ANO4: variants seen among roughly 807,000 people sequenced by gnomAD.
ANO4 encodes the protein anoctamin-4.
A neutral mutation model predicts 141.9 loss-of-function variants in ANO4; 69 were observed. The observed-to-expected ratio is 0.49, with a 90% CI of 0.40 to 0.59. The LOEUF (loss-of-function observed/expected upper bound fraction) is 0.59, where lower values mean the gene tolerates loss of function less well. Among genes scored for constraint, ANO4 ranks in the 20% least tolerant of loss-of-function variants. ANO4 has a pLI of 0.00. For synonymous variants in ANO4, 350 were observed against 394.3 expected, an observed-to-expected ratio of 0.89 and a Z score of 1.33; for missense variants, 894 against 1,162.2, an observed-to-expected ratio of 0.77 and a Z score of 3.36.
chr12:100,874,607 C>T (rs4764765), intron 1 of ANO4, among the ~76,000 whole-genome samples: 27,969 of 152,066 alleles, frequency 0.18, 2,992 homozygotes, highest in Middle Eastern at 0.3. Context: ...GCAACCTCTA[C>T]CTCCTGGGTT....
At chr12:100,964,523 C>T (rs1312508523) in intron 5 of ANO4, among the ~76,000 whole-genome samples, 1 of 152,106 alleles carries the variant, frequency 6.6e-6, no homozygotes, top group Admixed American at 6.6e-5. Flanking sequence ...AATATCTCCT[C>T]CTAGCCCCAG....
chr12:101,079,327 C>T (rs1438121611), intron 15 of ANO4, 52 bp downstream of exon 15: 1 of 1,453,638 alleles, frequency 6.9e-7, no homozygotes, highest in South Asian at 1.2e-5. Context: ...CCCAGAACCA[C>T]ACGACCCCCC....
intron 3 of ANO4, among the ~76,000 whole-genome samples, chr12:100,768,277 C>T (rs2033168228): frequency 6.6e-6 from 1 of 152,230 alleles, no homozygotes; most frequent in South Asian, 2.1e-4. Context: ...GGTATCTCCA[C>T]ACTGTGCTGG....
chr12:100,776,663 T>G lies in ANO4; in HGVS notation c.358+36558T>G, dbSNP rs1372988307. On this transcript the variant is annotated intron_variant, in intron 3 of 29. Transcript: ENST00000644049. ...AGAGCTAGTCTAAGGATTAATTGAC[T>G]TAAGATTTTTCTTGTTTAAATCTCC... 2.6e-5 allele frequency among the ~76,000 whole-genome samples: 4 copies of G among 152,210 alleles called. No individual in the cohort carries two copies. The East Asian group carries it at 7.7e-4, about 29-fold the overall frequency.
At position 101,120,525 on chromosome 12, in the gene ANO4, G is replaced by A. The variant is rs770666618; in HGVS notation, c.2576G>A (p.Arg859Gln). ...SGTPLKYCRY[R>Q]DYRDPPHSLV... ...ATTTTTCTGTGTCTTTATAGATACCGGGACTACCGTGACCCGCCTCATTCA... is the reference window on the plus strand; with the variant it reads ...ATTTTTCTGTGTCTTTATAGATACCAGGACTACCGTGACCCGCCTCATTCA... Residue 859 changes from arginine (R) to glutamine (Q), a missense_variant, in exon 26 of 28, where the codon CGG (arginine) becomes CAG (glutamine). Arg to Gln is a conservative substitution (Grantham distance 43). Coordinates refer to ENST00000392977, the MANE Select transcript of ANO4 (RefSeq NM_001286615.2). The A allele has an allele frequency of 1.8e-5, 29 of 1,613,438 alleles. No individual in the cohort carries two copies. The highest frequency in any genetic ancestry group is 1.4e-4 in the South Asian group (13 of 91,058).
At chr12:100,734,480 A>C (rs190022445) in intron 2 of ANO4, among the ~76,000 whole-genome samples, 4 of 152,350 alleles carry the variant, frequency 2.6e-5, no homozygotes, top group South Asian at 4.1e-4. Flanking sequence ...GAGATCAGAA[A>C]AGAAAAGTGA....
intron 2 of ANO4, among the ~76,000 whole-genome samples, chr12:100,911,341 A>G (rs1428391988): frequency 6.6e-6 from 1 of 152,196 alleles, no homozygotes; most frequent in African/African-American, 2.4e-5. Flanking sequence ...TTTCTTCTTC[A>G]CACAACTTGG....
rs934488144 is a variant in ANO4 at position 100,783,506 on chromosome 12, C to A, written c.358+43401C>A. Among the ~76,000 whole-genome samples the A allele has an allele frequency of 2.6e-5, 4 of 152,272 alleles. No homozygotes were observed. In the East Asian group the frequency reaches 5.8e-4, roughly 22 times the overall value. On this transcript the variant is annotated intron_variant, in intron 3 of 29. Coordinates refer to the ANO4 transcript ENST00000644049. The stretch of plus-strand genomic sequence containing the variant: ...TTCTAAGAAGTTGTCAAGATCACTT[C>A]CTGAAGCACAAATCTGATCATTTAT...
At chr12:100,737,547 G>T (rs1289692274) in intron 2 of ANO4, among the ~76,000 whole-genome samples, 1 of 152,198 alleles carries the variant, frequency 6.6e-6, no homozygotes, top group Non-Finnish European at 1.5e-5. Flanking sequence ...AAGGAGCCTT[G>T]TGTCCTGGGT....
chr12:100,958,207 C>T (rs1036100365), intron 5 of ANO4, among the ~76,000 whole-genome samples: 10 of 152,206 alleles, frequency 6.6e-5, no homozygotes, highest in Non-Finnish European at 1.3e-4. Context: ...CTGGAAAAAA[C>T]ATGCTGACTG....
At chr12:101,081,118 T>G (rs549301811) in intron 15 of ANO4, among the ~76,000 whole-genome samples, 9 of 151,642 alleles carry the variant, frequency 5.9e-5, no homozygotes, top group Admixed American at 4.6e-4. Context: ...GCAGCCGGAC[T>G]GCATTCAGAA....
intron 8 of ANO4, among the ~76,000 whole-genome samples, chr12:101,004,177 A>G (rs1941136984): frequency 6.6e-6 from 1 of 151,958 alleles, no homozygotes; most frequent in Admixed American, 6.6e-5. Context: ...ATAGTGTCGC[A>G]AAGGAAACAC....
At chr12:101,109,262 T>C (rs2050567636) in intron 22 of ANO4, among the ~76,000 whole-genome samples, 1 of 152,180 alleles carries the variant, frequency 6.6e-6, no homozygotes, top group African/African-American at 2.4e-5. Context: ...TTTGATCACT[T>C]GGTTAAAATT....
intron 3 of ANO4, among the ~76,000 whole-genome samples, chr12:100,926,226 A>T (rs2041865257): frequency 6.6e-6 from 1 of 152,118 alleles, no homozygotes; most frequent in Admixed American, 6.6e-5. Context: ...TTTTGCCACC[A>T]TGCTTCTACA....
intron 9 of ANO4, among the ~76,000 whole-genome samples, chr12:101,034,146 C>G (rs1021277079): frequency 1.3e-5 from 2 of 152,110 alleles, no homozygotes; most frequent in Non-Finnish European, 2.9e-5. Flanking sequence ...GGGTGTATAC[C>G]TAAAGGAATA....
intron 14 of ANO4, among the ~76,000 whole-genome samples, chr12:101,070,381 T>C (rs1361425654): frequency 6.6e-6 from 1 of 152,186 alleles, no homozygotes; most frequent in Admixed American, 6.5e-5. Context: ...TACAGTGAAC[T>C]CATTTTTGAC....
chr12:100,787,212 G>C (rs1045932165), intron 3 of ANO4, among the ~76,000 whole-genome samples: 3 of 141,314 alleles, frequency 2.1e-5, no homozygotes, highest in African/African-American at 7.6e-5. Context: ...ACTCCATTGG[G>C]GACATGCAGA....
At chr12:101,016,102 G>C (rs551814513) in intron 8 of ANO4, among the ~76,000 whole-genome samples, 1 of 152,186 alleles carries the variant, frequency 6.6e-6, no homozygotes, top group South Asian at 2.1e-4. Context: ...GGTATAAGGA[G>C]ATGAGATTTA....
At chr12:101,032,713 A>G (rs574316527) in intron 9 of ANO4, among the ~76,000 whole-genome samples, 3,401 of 151,752 alleles carry the variant, frequency 0.022, 118 homozygotes, top group African/African-American at 0.078. Context: ...AAACACATGA[A>G]AAAATGCTCA....
Sources: gnomAD v4.1 joint callset for allele counts (sites outside exome capture counted in the v4.1 genomes callset) on GRCh38, gnomAD v4.1.1 for gene constraint, MANE v1.5 for transcripts, NCBI Gene and HGNC (gene_info 2026-07-23, HGNC 2026-07-21) for gene names.